The following TNS1 variants were observed in gnomAD, a reference collection of about 807,000 sequenced individuals.
TNS1 encodes tensin 1.
Under a neutral mutation model 168.6 loss-of-function variants are expected in TNS1, and 62 were observed. The ratio of observed to expected loss-of-function variants is 0.37; its 90% confidence interval spans 0.30 to 0.45. TNS1 has a LOEUF of 0.45. TNS1 is among the 20% of genes least tolerant of loss of function. The pLI is 1.00. For missense variants in TNS1, 2,240 were observed against 2,339.4 expected (o/e 0.96, Z 0.88); for synonymous variants, 934 against 933.2 (o/e 1.00, Z -0.02).
At position 217,817,920 on chromosome 2, in the gene TNS1, G is replaced by A; in HGVS notation, c.4412C>T (p.Ala1471Val). The change falls in exon 24 of 33, where the codon GCC becomes GTC. Residue 1471 changes from alanine (A) to valine (V), a missense_variant. Physicochemically the swap from Ala to Val is moderately conservative, Grantham distance 64. Coordinates refer to ENST00000682258, the MANE Select transcript of TNS1 (RefSeq NM_001387777.1). The part of the protein sequence containing the change: ...PAYYPGLSSP[A>V]TSPSPDSAAF... ...TGCGGAGTCTGGTGACGGGGAGGTG[G>A]CAGGGCTGCTCAGGCCAGGGTAGTA... is the stretch of plus-strand genomic sequence containing the variant. 1 of 1,613,544 alleles carries A rather than the reference G, an allele frequency of 6.2e-7. No individual in the cohort carries two copies. Among genetic ancestry groups the A allele is most frequent in the Non-Finnish European group, 8.5e-7 (1 of 1,179,770 alleles).
At chr2:217,808,212 GC>G (rs1939576543) in intron 31 of TNS1, 105 bp from the exon 32 acceptor site, 5 of 1,384,528 alleles carry the variant, frequency 3.6e-6, no homozygotes, top group East Asian at 2.5e-5. Flanking sequence ...GAGAGGAGCT[GC>G]CCCCCATTCC....
intron 3 of TNS1, chr2:217,937,109 G>T (rs956325904): frequency 4.5e-6 from 2 of 440,474 alleles, no homozygotes; most frequent in Non-Finnish European, 9.3e-6. Context: ...AGCTTCCTCC[G>T]CTCTGCCAGC....
At chr2:217,895,129 G>C in intron 8 of TNS1, 73 bp from the exon 9 acceptor site, 1 of 1,438,014 alleles carries the variant, frequency 7.0e-7, no homozygotes, top group Non-Finnish European at 9.6e-7. Flanking sequence ...GAGAACCATG[G>C]CCTGCTGGTC....
chr2:217,824,805 C>T (rs1375854839), intron 22 of TNS1, among the ~76,000 whole-genome samples: 3 of 152,152 alleles, frequency 2.0e-5, no homozygotes, highest in Admixed American at 2.0e-4. Context: ...CTCATCATGG[C>T]TACACCCAGG....
intron 18 of TNS1, chr2:217,859,524 G>T (rs1408252139): frequency 2.7e-5 from 24 of 905,268 alleles, no homozygotes; most frequent in Admixed American, 6.1e-5. Flanking sequence ...TCCAGGAGGG[G>T]ACAGGAGCCC....
At chr2:217,982,008 G>T (rs1958063206) in intron 2 of TNS1, among the ~76,000 whole-genome samples, 1 of 152,242 alleles carries the variant, frequency 6.6e-6, no homozygotes, top group Non-Finnish European at 1.5e-5. Flanking sequence ...TAATCAGTCA[G>T]ATATTGTAGA....
chr2:217,992,912 G>A (rs750822370), intron 1 of TNS1, among the ~76,000 whole-genome samples: 33 of 152,204 alleles, frequency 2.2e-4, no homozygotes, highest in African/African-American at 7.2e-4. Context: ...GCTTAAATGC[G>A]TCTTTGCTGA....
At chr2:217,808,507 GCACACACACA>G in intron 31 of TNS1, 86 bp downstream of exon 31, 1 of 1,020,188 alleles carries the variant, frequency 9.8e-7, no homozygotes, top group Non-Finnish European at 1.5e-6. Context: ...GTATGCACAT[GCACACACACA>G]CACACACACA....
chr2:217,920,333 C>A, intron 3 of TNS1, 97 bp from the exon 4 acceptor site: 6 of 695,764 alleles, frequency 8.6e-6, no homozygotes, highest in Admixed American at 4.0e-5. Context: ...CTGCTTCATT[C>A]CCTCACACGG....
chr2:217,970,830 C>CA lies in TNS1; in HGVS notation c.186+7934dup, dbSNP rs565553453. ...ACAGTCACACAACTCTGTGATGATACAAAAAAAATCATTGAATTGTACACT... is the reference window on the plus strand; with the variant it reads ...ACAGTCACACAACTCTGTGATGATACAAAAAAAAATCATTGAATTGTACACT... On this transcript the variant is annotated intron_variant, in intron 3 of 32. Transcript: ENST00000682258. 3.3e-3 allele frequency among the ~76,000 whole-genome samples: 492 copies of CA among 150,976 alleles called. 5 individuals carry two copies. Among genetic ancestry groups the CA allele is most frequent in the African/African-American group, 9.4e-3 (386 of 41,120 alleles).
intron 3 of TNS1, among the ~76,000 whole-genome samples, chr2:217,977,689 T>C (rs962140319): frequency 2.6e-5 from 4 of 152,192 alleles, no homozygotes; most frequent in Admixed American, 2.0e-4. Flanking sequence ...TCCTTGAGAA[T>C]GAAACAGAAA....
chr2:217,913,672 A>G (rs1345467381), intron 4 of TNS1, among the ~76,000 whole-genome samples: 1 of 152,078 alleles, frequency 6.6e-6, no homozygotes, highest in African/African-American at 2.4e-5. Context: ...GGGACCCAGG[A>G]TAGCCCTTAG....
intron 32 of TNS1, among the ~76,000 whole-genome samples, chr2:217,804,896 T>A (rs1034391952): frequency 2.0e-5 from 3 of 151,990 alleles, no homozygotes; most frequent in African/African-American, 7.3e-5. Context: ...TAGTGAGGGG[T>A]GGGGAGGAGA....
At chr2:217,867,192 A>G (rs1863132) in intron 18 of TNS1, among the ~76,000 whole-genome samples, 45,755 of 152,132 alleles carry the variant, frequency 0.3, 9,889 homozygotes, top group African/African-American at 0.6. Context: ...AGGTGGGCGG[A>G]TAGATTCTCC....
At chr2:217,814,040 C>A in intron 25 of TNS1, 1 of 382,294 alleles carries the variant, frequency 2.6e-6, no homozygotes. Context: ...CTCACTCTGT[C>A]ACTCAGGCTG....
chr2:217,979,378 C>G lies in TNS1; in HGVS notation c.149-576G>C, dbSNP rs532158883. Among the ~76,000 whole-genome samples the G allele has an allele frequency of 2.1e-4, 32 of 152,220 alleles. No individual in the cohort carries two copies. The Middle Eastern group carries it at 0.01, about 49-fold the overall frequency. On this transcript the variant is annotated intron_variant, in intron 2 of 32. Coordinates refer to ENST00000682258, the MANE Select transcript of TNS1 (RefSeq NM_001387777.1). ...ACGCACACACACACAGTCTCACACA[C>G]ACAGATTCATCCAGGAAGAGCCCTG...
intron 28 of TNS1, 36 bp downstream of exon 28, chr2:217,812,332 G>C: frequency 6.3e-7 from 1 of 1,580,554 alleles, no homozygotes; most frequent in African/African-American, 1.3e-5. Context: ...CCAGCTCAAG[G>C]GTGTGGGTGG....
Position 217,986,483 on chromosome 2 carries a change from G to A in TNS1, c.148+4459C>T, listed in dbSNP as rs1183060745. 1.3e-5 allele frequency among the ~76,000 whole-genome samples: 2 copies of A among 152,216 alleles called. No homozygotes were observed. On this transcript the variant is annotated intron_variant, in intron 2 of 32. Transcript: ENST00000682258. The surrounding 1 kb of genome is among the most constrained non-coding windows in gnomAD (Gnocchi z 4.7). ...CTCGGGCTGCTGAGCTGCCATCCTG[G>A]TATCTTCCTGTGGGTTTCGGCCTGG...
intron 9 of TNS1, among the ~76,000 whole-genome samples, 165 bp from the exon 10 acceptor site, chr2:217,893,726 G>A (rs1332315336): frequency 6.6e-6 from 1 of 152,264 alleles, no homozygotes; most frequent in African/African-American, 2.4e-5. Context: ...AGGAGGCAGG[G>A]GAGTGAAGGG....
Sources: gnomAD v4.1 joint callset for allele counts (sites outside exome capture counted in the v4.1 genomes callset) on GRCh38, gnomAD v4.1.1 for gene constraint, Gnocchi (gnomAD v3.1) non-coding constraint, MANE v1.5 for transcripts, NCBI Gene and HGNC (gene_info 2026-07-23, HGNC 2026-07-21) for gene names.